FAM167A: variants seen among roughly 807,000 people sequenced by gnomAD.
The protein encoded by FAM167A is family with sequence similarity 167 member A.
FAM167A carries 23 observed loss-of-function variants against 14.9 expected under a neutral mutation model. The ratio of observed to expected loss-of-function variants is 1.55; its 90% confidence interval spans 1.11 to 2.19. The LOEUF is 2.19. Ranked by LOEUF, FAM167A falls within the 30% of genes most tolerant of loss-of-function variation. FAM167A has a pLI of 0.00. For missense variants in FAM167A, 401 were observed against 281.5 expected (o/e 1.42, Z -3.04); for synonymous variants, 174 against 117.7 (o/e 1.48, Z -3.10).
intron 2 of FAM167A, among the ~76,000 whole-genome samples, chr8:11,439,905 G>A (rs772324421): frequency 1.3e-5 from 2 of 152,170 alleles, no homozygotes; most frequent in Non-Finnish European, 1.5e-5. Flanking sequence ...CAGGGAGTTG[G>A]CTGATGGACC....
intron 2 of FAM167A, among the ~76,000 whole-genome samples, chr8:11,429,139 C>T (rs768664759): frequency 1.3e-5 from 2 of 152,172 alleles, no homozygotes; most frequent in Non-Finnish European, 2.9e-5. Context: ...CTCCTCCAGC[C>T]CCTGGCACCC....
At chr8:11,458,907 C>T (rs568688163) in intron 1 of FAM167A, among the ~76,000 whole-genome samples, 3 of 152,366 alleles carry the variant, frequency 2.0e-5, no homozygotes, top group Admixed American at 1.3e-4. Context: ...CTCTTGCCAT[C>T]AAGAGAGGCT....
upstream of FAM167A, among the ~76,000 whole-genome samples, chr8:11,467,168 G>C (rs1807808620): frequency 6.6e-6 from 1 of 152,192 alleles, no homozygotes; most frequent in African/African-American, 2.4e-5. Context: ...GACTGCCCGC[G>C]AGCGCCTACC....
chr8:11,438,916 C>T (rs1412304225), intron 2 of FAM167A, among the ~76,000 whole-genome samples: 1 of 152,244 alleles, frequency 6.6e-6, no homozygotes, highest in Admixed American at 6.5e-5. Context: ...TGAAACAGTA[C>T]AGCTGCCCTG....
At chr8:11,437,873 G>A (rs1166912303) in intron 2 of FAM167A, among the ~76,000 whole-genome samples, 1 of 148,882 alleles carries the variant, frequency 6.7e-6, no homozygotes, top group Non-Finnish European at 1.5e-5. Context: ...TGCCAAGGAA[G>A]TGAGGAATTT....
At chr8:11,469,669 C>G (rs920456945), upstream of FAM167A, among the ~76,000 whole-genome samples, 1 of 151,820 alleles carries the variant, frequency 6.6e-6, no homozygotes, top group Non-Finnish European at 1.5e-5. Flanking sequence ...GAATTGGAGA[C>G]CAGCCTGGGC....
At position 11,444,585 on chromosome 8, in the gene FAM167A, G is replaced by T; in HGVS notation, c.-174C>A. The T allele has an allele frequency of 1.4e-6, 2 of 1,429,498 alleles. No homozygotes were observed. The highest frequency in any genetic ancestry group is 1.8e-6 in the Non-Finnish European group (2 of 1,098,592). 88.6% of individuals were successfully genotyped at this position (1,429,498 alleles called of 1,614,324 possible). On this transcript the variant is annotated 5_prime_UTR_variant, in exon 2 of 3. Coordinates refer to ENST00000284486, the MANE Select transcript of FAM167A (RefSeq NM_053279.3). ...GGTGGCAGGGGAGCTGAGAGGGACC[G>T]CGCAGTGAGCCGCACAGGGCGCCCT...
chr8:11,444,985 G>C (rs1435379271), intron 1 of FAM167A, 177 bp from the exon 2 acceptor site: 11 of 580,280 alleles, frequency 1.9e-5, no homozygotes, highest in Non-Finnish European at 2.4e-5. Flanking sequence ...ATGCAGAGAA[G>C]TTAATGAGCA....
intron 1 of FAM167A, among the ~76,000 whole-genome samples, chr8:11,454,182 G>C (rs568624331): frequency 4.9e-4 from 74 of 152,326 alleles, no homozygotes; most frequent in Admixed American, 1.4e-3. Context: ...CACCGTCTGG[G>C]TTGCCCATGG....
intron 2 of FAM167A, chr8:11,438,521 TG>T (rs1376133952): frequency 4.4e-6 from 2 of 457,002 alleles, no homozygotes; most frequent in African/African-American, 4.0e-5. Flanking sequence ...CTAGCACTTT[TG>T]CTTCTTTGGT....
chr8:11,430,488 G>A (rs566765183), intron 2 of FAM167A, among the ~76,000 whole-genome samples: 19 of 152,218 alleles, frequency 1.2e-4, no homozygotes, highest in Non-Finnish European at 2.5e-4. Flanking sequence ...GATGATGGTT[G>A]CACAACTCTG....
upstream of FAM167A, among the ~76,000 whole-genome samples, chr8:11,467,806 T>A (rs1807832220): frequency 6.6e-6 from 1 of 152,204 alleles, no homozygotes; most frequent in Non-Finnish European, 1.5e-5. Flanking sequence ...CCTGACCTAC[T>A]CCCTTCCTTT....
At chr8:11,449,609 C>A (rs9792175) in intron 1 of FAM167A, among the ~76,000 whole-genome samples, 73,972 of 152,082 alleles carry the variant, frequency 0.49, 18,451 homozygotes, top group East Asian at 0.66. Flanking sequence ...AGAAAAACGA[C>A]ATCAGACCCT....
chr8:11,469,748 T>A (rs1432524622), upstream of FAM167A, among the ~76,000 whole-genome samples: 1 of 151,248 alleles, frequency 6.6e-6, no homozygotes, highest in Non-Finnish European at 1.5e-5. Context: ...CTGGGCATGG[T>A]GGTACACACC....
At chr8:11,429,986 C>T (rs1194920291) in intron 2 of FAM167A, among the ~76,000 whole-genome samples, 2 of 152,180 alleles carry the variant, frequency 1.3e-5, no homozygotes, top group African/African-American at 4.8e-5. Context: ...CTCTCCAGGC[C>T]AAGGCACAGA....
Position 11,424,498 on chromosome 8 carries a change from G to T in FAM167A, c.520C>A (p.Arg174=), listed in dbSNP as rs749519377. The change falls in exon 3 of 3, where the codon CGG becomes AGG. Residue 174 remains arginine, a synonymous_variant. Coordinates refer to ENST00000284486, the MANE Select transcript of FAM167A (RefSeq NM_053279.3). The part of the protein sequence containing the change: ...LNDATYELEE[R]DELADLFCDS... ...CAGAAGAGGTCGGCCAGCTCATCCC[G>T]CTCCTCCAGCTCGTAGGTGGCATCG... is the stretch of plus-strand genomic sequence containing the variant. 1 of 1,614,076 alleles carries T rather than the reference G, an allele frequency of 6.2e-7. No individual in the cohort carries two copies. The highest frequency in any genetic ancestry group is 2.2e-5 in the East Asian group (1 of 44,880).
intron 1 of FAM167A, chr8:11,445,479 G>A (rs1245317226): frequency 3.0e-6 from 3 of 985,644 alleles, no homozygotes; most frequent in Non-Finnish European, 3.6e-6. Context: ...GAAGGCGGTG[G>A]CACCTGGGCT....
chr8:11,421,480 A>G lies in FAM167A; in HGVS notation c.*2893T>C. The G allele has an allele frequency of 3.0e-6, 1 of 337,590 alleles. No individual in the cohort carries two copies. Among genetic ancestry groups the G allele is most frequent in the East Asian group, 4.4e-5 (1 of 22,572 alleles). The allele number at this position is 337,590 out of a possible 1,614,324, so 20.9% of individuals were successfully genotyped here. A position where few individuals can be genotyped will look rare whatever the true frequency, so the allele number is the denominator to read the frequency against. On this transcript the variant is annotated 3_prime_UTR_variant, in exon 3 of 3. Transcript: ENST00000284486. ...AGGACAAGCATTTTTCTCTCCTTTT[A>G]TTTTTATATGGATATCTTCTTTTGA...
Position 11,444,817 on chromosome 8 carries a change from G to A in FAM167A, c.-397-9C>T. The stretch of plus-strand genomic sequence containing the variant: ...GCAGGTGGCTGGAGACCCTGTGGGA[G>A]GGATGAGAACCGCATCAGTCCCGAT... On this transcript the variant is annotated splice_polypyrimidine_tract_variant and intron_variant, in intron 1 of 2. Transcript: ENST00000284486. 1.0e-6 allele frequency: 1 copy of A among 1,002,796 alleles called. No homozygotes were observed. The highest frequency in any genetic ancestry group is 1.2e-6 in the Non-Finnish European group (1 of 840,908). The allele number at this position is 1,002,796 out of a possible 1,614,324, so 62.1% of individuals were successfully genotyped here.
Sources: allele counts gnomAD v4.1 joint callset (sites outside exome capture counted in the v4.1 genomes callset), GRCh38; gene constraint gnomAD v4.1.1; transcripts MANE v1.5; gene names NCBI Gene and HGNC (gene_info 2026-07-23, HGNC 2026-07-21).